LY86: variants seen among roughly 807,000 people sequenced by gnomAD.
LY86 encodes the protein MD-1, RP105-associated.
LY86 carries 20 observed loss-of-function variants against 17.3 expected under a neutral mutation model. The observed-to-expected ratio is 1.15, with a 90% CI of 0.81 to 1.68. The LOEUF is 1.68. Among genes scored for constraint, LY86 ranks in the 40% most tolerant of loss-of-function variants. LY86 has a pLI of 0.00. For synonymous variants in LY86, 74 were observed against 70.6 expected, an observed-to-expected ratio of 1.05 and a Z score of -0.24; for missense variants, 200 against 191.9, an observed-to-expected ratio of 1.04 and a Z score of -0.25.
At chr6:6,630,722 G>T (rs1022999638) in intron 3 of LY86, among the ~76,000 whole-genome samples, 1 of 152,132 alleles carries the variant, frequency 6.6e-6, no homozygotes, top group Non-Finnish European at 1.5e-5. Flanking sequence ...ACCCCAGTGG[G>T]TCTCCATCTT....
intron 1 of LY86, among the ~76,000 whole-genome samples, chr6:6,606,387 C>G (rs549506433): frequency 2.0e-3 from 301 of 152,338 alleles, no homozygotes; most frequent in Middle Eastern, 3.4e-3. Flanking sequence ...CCCCCCCAGA[C>G]TCAGGATCCC....
chr6:6,589,483 G>A (rs535876809), intron 1 of LY86, among the ~76,000 whole-genome samples: 39 of 152,276 alleles, frequency 2.6e-4, no homozygotes, highest in South Asian at 4.2e-4. Context: ...AACCCAATAC[G>A]CCAACAGATA....
intron 1 of LY86, among the ~76,000 whole-genome samples, chr6:6,595,336 G>C (rs1222126998): frequency 6.8e-6 from 1 of 148,126 alleles, no homozygotes; most frequent in Non-Finnish European, 1.5e-5. Context: ...GAAGAGGAGA[G>C]AAATGAGAAG....
intron 1 of LY86, among the ~76,000 whole-genome samples, chr6:6,610,292 T>C (rs1422217275): frequency 6.6e-6 from 1 of 152,242 alleles, no homozygotes; most frequent in Admixed American, 6.5e-5. Flanking sequence ...GTACTCTTTG[T>C]GTAGCTTCCT....
chr6:6,606,075 T>G (rs1327207930), intron 1 of LY86, among the ~76,000 whole-genome samples: 2 of 152,224 alleles, frequency 1.3e-5, no homozygotes, highest in East Asian at 1.9e-4. Flanking sequence ...GGCAGCCTGC[T>G]TTTATTCTCA....
intron 1 of LY86, among the ~76,000 whole-genome samples, chr6:6,613,575 C>G (rs1460355602): frequency 1.3e-5 from 2 of 152,194 alleles, no homozygotes; most frequent in African/African-American, 2.4e-5. Context: ...CCACCGGGAA[C>G]TCGCTCTGGC....
intron 1 of LY86, among the ~76,000 whole-genome samples, chr6:6,612,866 T>C (rs923761726): frequency 2.0e-5 from 3 of 151,846 alleles, no homozygotes; most frequent in Non-Finnish European, 4.4e-5. Flanking sequence ...ATTGGTGTAT[T>C]TACATTCCCT....
At chr6:6,652,544 G>C (rs567770517) in intron 4 of LY86, among the ~76,000 whole-genome samples, 15 of 152,250 alleles carry the variant, frequency 9.9e-5, no homozygotes, top group African/African-American at 3.4e-4. Flanking sequence ...CTCTGTCTAT[G>C]CCTCCTGCTT....
At chr6:6,603,921 CAAA>C (rs557600324) in intron 1 of LY86, among the ~76,000 whole-genome samples, 1 of 151,624 alleles carries the variant, frequency 6.6e-6, no homozygotes, top group African/African-American at 2.4e-5. Flanking sequence ...AAACAGAAAA[CAAA>C]AAAAACTTAT....
intron 1 of LY86, among the ~76,000 whole-genome samples, chr6:6,593,241 C>T (rs902236969): frequency 9.2e-5 from 14 of 152,258 alleles, no homozygotes; most frequent in African/African-American, 3.1e-4. Flanking sequence ...TGGCCTGAGG[C>T]TTCTTCCTCC....
At chr6:6,612,202 C>T (rs1166025873) in intron 1 of LY86, among the ~76,000 whole-genome samples, 2 of 152,196 alleles carry the variant, frequency 1.3e-5, no homozygotes, top group Non-Finnish European at 2.9e-5. Flanking sequence ...AACGAAGCCA[C>T]AGACCCTCAC....
intron 2 of LY86, among the ~76,000 whole-genome samples, chr6:6,626,029 G>A (rs1057091521): frequency 2.0e-5 from 3 of 152,178 alleles, no homozygotes; most frequent in Non-Finnish European, 4.4e-5. Flanking sequence ...CATAGCATCA[G>A]GGTGGGGAGC....
At chr6:6,646,733 C>T (rs9378476) in intron 3 of LY86, among the ~76,000 whole-genome samples, 39,475 of 152,012 alleles carry the variant, frequency 0.26, 5,351 homozygotes, top group Middle Eastern at 0.39. Context: ...ATAGATTCTA[C>T]GGTATATTAT....
At chr6:6,634,840 T>TG (rs1561790609) in intron 3 of LY86, among the ~76,000 whole-genome samples, 1 of 152,194 alleles carries the variant, frequency 6.6e-6, no homozygotes, top group African/African-American at 2.4e-5. Context: ...GAAGGGAATT[T>TG]GGGGGGAGTG....
intron 3 of LY86, among the ~76,000 whole-genome samples, chr6:6,639,477 G>C (rs1762008097): frequency 6.6e-6 from 1 of 152,192 alleles, no homozygotes; most frequent in Non-Finnish European, 1.5e-5. Context: ...CTTACAGTCT[G>C]GATATCAGAA....
intron 3 of LY86, among the ~76,000 whole-genome samples, chr6:6,641,441 C>G (rs1762038337): frequency 6.6e-6 from 1 of 152,214 alleles, no homozygotes. Flanking sequence ...TCACAGGCTT[C>G]CTCGCATACC....
At chr6:6,612,389 T>C (rs1000856662) in intron 1 of LY86, among the ~76,000 whole-genome samples, 1 of 152,196 alleles carries the variant, frequency 6.6e-6, no homozygotes, top group African/African-American at 2.4e-5. Context: ...TCATTTATTT[T>C]CCCCCAGTGG....
At chr6:6,606,464 C>T (rs181698727) in intron 1 of LY86, among the ~76,000 whole-genome samples, 6 of 152,344 alleles carry the variant, frequency 3.9e-5, no homozygotes, top group Admixed American at 6.5e-5. Context: ...TCCCACACCG[C>T]GCACCCGCAC....
intron 1 of LY86, among the ~76,000 whole-genome samples, chr6:6,609,219 C>T (rs72821163): frequency 0.068 from 10,344 of 152,264 alleles, 465 homozygotes; most frequent in Middle Eastern, 0.17. Flanking sequence ...AGAAACACCT[C>T]CCTCCTTCCT....
Sources: gnomAD v4.1 joint callset for allele counts (sites outside exome capture counted in the v4.1 genomes callset) on GRCh38, gnomAD v4.1.1 for gene constraint, MANE v1.5 for transcripts, NCBI Gene and HGNC (gene_info 2026-07-23, HGNC 2026-07-21) for gene names.